SRSF3: variants seen among roughly 807,000 people sequenced by gnomAD.
SRSF3 encodes serine/arginine-rich splicing factor 3.
For missense variants in SRSF3, 58 were observed against 217.1 expected, an observed-to-expected ratio of 0.27 and a Z score of 4.61; for synonymous variants, 87 against 73.6, an observed-to-expected ratio of 1.18 and a Z score of -0.93.
intron 2 of SRSF3, chr6:36,597,247 A>G (rs1778645893): frequency 8.8e-6 from 4 of 455,032 alleles, no homozygotes; most frequent in South Asian, 2.5e-5. Context: ...CTGGGACTAC[A>G]GGCGTGTGCC....
In SRSF3 at chr6:36,596,822, T is replaced by C. The variant is rs139593819; in HGVS notation, c.60T>C (p.Asn20=). ...TTTATGTAGGCAATCTTGGAAACAA[T>C]GGCAACAAGACGGAATTGGAACGGG... is the stretch of plus-strand genomic sequence containing the variant. The part of the protein sequence containing the change: ...CKVYVGNLGN[N]GNKTELERAF... The change falls in exon 2 of 6, where the codon AAT becomes AAC. Residue 20 remains asparagine (N), a synonymous_variant. Transcript: ENST00000373715. 4.0e-4 allele frequency: 647 copies of C among 1,614,082 alleles called. 2 individuals carry two copies. The African/African-American group carries it at 6.7e-3, about 17-fold the overall frequency.
rs1582516372 is a variant in SRSF3 at position 36,603,383 on chromosome 6, T to A, written c.*1394T>A. On this transcript the variant is annotated 3_prime_UTR_variant, in exon 6 of 6. Coordinates refer to ENST00000373715, the MANE Select transcript of SRSF3 (RefSeq NM_003017.5). ...CCTTCCTCTTAGAAAATGGCAGGTG[T>A]TGTAATTTCAAATTTTTGTGCAATT... 1 of 224,222 alleles carries A rather than the reference T, an allele frequency of 4.5e-6. No individual in the cohort carries two copies. 13.9% of individuals were successfully genotyped at this position (224,222 alleles called of 1,614,324 possible). A position where few individuals can be genotyped will look rare whatever the true frequency, so the allele number is the denominator to read the frequency against.
At position 36,601,946 on chromosome 6, in the gene SRSF3, T is replaced by TG. The variant is rs1778724881; in HGVS notation, c.468-16_468-15insG. On this transcript the variant is annotated splice_polypyrimidine_tract_variant and intron_variant, in intron 5 of 5. Coordinates refer to ENST00000373715, the MANE Select transcript of SRSF3 (RefSeq NM_003017.5). ...AGATGTAATGTTTTGTTTTCTTTTT[T>TG]TTTTTTTTTTTTTAGTCGATCTAGG... The TG allele has an allele frequency of 6.4e-7, 1 of 1,555,272 alleles. No homozygotes were observed. The highest frequency in any genetic ancestry group is 1.4e-5 in the African/African-American group (1 of 71,878).
At chr6:36,595,232 T>C (rs571483825) in intron 1 of SRSF3, among the ~76,000 whole-genome samples, 1 of 152,116 alleles carries the variant, frequency 6.6e-6, no homozygotes, top group Non-Finnish European at 1.5e-5. Flanking sequence ...GTCTACAAGT[T>C]TATCAGATTC....
intron 2 of SRSF3, among the ~76,000 whole-genome samples, chr6:36,597,483 G>GT (rs1332096306): frequency 2.0e-5 from 3 of 152,072 alleles, no homozygotes; most frequent in African/African-American, 7.2e-5. Context: ...ACATGGGTTG[G>GT]TTGTACCTTT....
intron 1 of SRSF3, among the ~76,000 whole-genome samples, 187 bp from the exon 2 acceptor site, chr6:36,596,574 C>CGGGGGGGGG (rs34650091): frequency 4.4e-5 from 4 of 91,952 alleles, no homozygotes; most frequent in East Asian, 4.4e-4. Flanking sequence ...GGCGGGGTGG[C>CGGGGGGGGG]GGGGGGGGGG....
chr6:36,604,574 G>A lies in SRSF3; in HGVS notation c.*2585G>A, dbSNP rs1333508778. On this transcript the variant is annotated 3_prime_UTR_variant, in exon 6 of 6. Coordinates refer to ENST00000373715, the MANE Select transcript of SRSF3 (RefSeq NM_003017.5). ...CACAGGTACCCTGTGTCTACCATTT[G>A]AGTATCTTAGAGATCCTTACAAACG... is the stretch of plus-strand genomic sequence containing the variant. 1 of 173,736 alleles carries A rather than the reference G, an allele frequency of 5.8e-6. No homozygotes were observed. Among genetic ancestry groups the A allele is most frequent in the African/African-American group, 2.4e-5 (1 of 42,110 alleles). 10.8% of individuals were successfully genotyped at this position (173,736 alleles called of 1,614,324 possible). A position where few individuals can be genotyped will look rare whatever the true frequency, so the allele number is the denominator to read the frequency against.
Position 36,596,930 on chromosome 6 carries a change from C to T in SRSF3, c.168C>T (p.Pro56=). 1 of 1,613,886 alleles carries T rather than the reference C, an allele frequency of 6.2e-7. No individual in the cohort carries two copies. Among genetic ancestry groups the T allele is most frequent in the Non-Finnish European group, 8.5e-7 (1 of 1,179,984 alleles). The change falls in exon 2 of 6, where the codon CCC becomes CCT. Residue 56 remains proline, a synonymous_variant. Transcript: ENST00000373715. The part of the protein sequence containing the change: ...PGFAFVEFED[P]RDAADAVREL... The stretch of plus-strand genomic sequence containing the variant: ...TTGCTTTTGTTGAATTTGAAGATCC[C>T]CGAGATGCAGCTGATGCAGTCCGAG...
chr6:36,601,816 A>G, intron 5 of SRSF3, 22 bp downstream of exon 5: 1 of 1,605,778 alleles, frequency 6.2e-7, no homozygotes, highest in Non-Finnish European at 8.5e-7. Flanking sequence ...GATAACTTGT[A>G]TTTAAGACTT....
Position 36,602,303 on chromosome 6 carries a change from TG to T in SRSF3, c.*315del. ...CCTCTAAACCTGCCCAGCGGAAGTG[TG>T]TTTTTTTTTAAATTTAAATACAGAA... is the stretch of plus-strand genomic sequence containing the variant. On this transcript the variant is annotated 3_prime_UTR_variant, in exon 6 of 6. Transcript: ENST00000373715. The T allele has an allele frequency of 5.9e-6, 2 of 341,566 alleles. No homozygotes were observed. Among genetic ancestry groups the T allele is most frequent in the Non-Finnish European group, 1.0e-5 (2 of 194,842 alleles). 21.2% of individuals were successfully genotyped at this position (341,566 alleles called of 1,614,324 possible). A position where few individuals can be genotyped will look rare whatever the true frequency, so the allele number is the denominator to read the frequency against.
chr6:36,596,192 G>C (rs1338081699), intron 1 of SRSF3, among the ~76,000 whole-genome samples: 1 of 152,124 alleles, frequency 6.6e-6, no homozygotes, highest in Non-Finnish European at 1.5e-5. Flanking sequence ...AAAAGTTCTG[G>C]GATTGCAGGT....
chr6:36,597,105 T>TC (rs1163950617), intron 2 of SRSF3, 137 bp downstream of exon 2: 1 of 733,012 alleles, frequency 1.4e-6, no homozygotes, highest in African/African-American at 1.9e-5. Flanking sequence ...ATCTTTTTTT[T>TC]TTTTTTTTTT....
chr6:36,599,189 T>C (rs1389122208), intron 3 of SRSF3, among the ~76,000 whole-genome samples: 1 of 152,232 alleles, frequency 6.6e-6, no homozygotes, highest in Non-Finnish European at 1.5e-5. Context: ...TGGTAGTCAG[T>C]AACTTCTATC....
intron 4 of SRSF3, 86 bp from the exon 5 acceptor site, chr6:36,601,622 G>C: frequency 7.9e-7 from 1 of 1,269,118 alleles, no homozygotes; most frequent in East Asian, 2.3e-5. Context: ...GGAATTATTG[G>C]CATGAGTCAC....
rs1554180243 is a variant in SRSF3, at chr6:36,596,574, C to CGGGGGGCGG, written c.-2-181_-2-180insCGGGGGGGG. Among the ~76,000 whole-genome samples, 4 of 91,962 alleles carry CGGGGGGCGG rather than the reference C, an allele frequency of 4.3e-5. 1 individual carries two copies. Among genetic ancestry groups the CGGGGGGCGG allele is most frequent in the South Asian group, 7.7e-4 (2 of 2,584 alleles). The allele number at this position is 91,962 out of a possible 152,430, so 60.3% of individuals were successfully genotyped here. ...GAGTAAAGATAATGGGGCGGGGTGG[C>CGGGGGGCGG]GGGGGGGGGGAAATGGGTGCTTAGC... On this transcript the variant is annotated intron_variant, in intron 1 of 5. Transcript: ENST00000373715.
rs139369515 is a variant in SRSF3, at chr6:36,595,622, C to T, written c.-2-1139C>T. On this transcript the variant is annotated intron_variant, in intron 1 of 5. Coordinates refer to ENST00000373715, the MANE Select transcript of SRSF3 (RefSeq NM_003017.5). ...TTTATGTCTGGCTTCTTTAACTTAGCGTAATGTTTTCAAGATTTTCCAACG... is the reference window on the plus strand; with the variant it reads ...TTTATGTCTGGCTTCTTTAACTTAGTGTAATGTTTTCAAGATTTTCCAACG... Among the ~76,000 whole-genome samples the T allele has an allele frequency of 1.9e-3, 293 of 152,238 alleles. 2 individuals are homozygous for T. The highest frequency in any genetic ancestry group is 6.8e-3 in the Middle Eastern group (2 of 294).
Position 36,603,347 on chromosome 6 carries a change from G to A in SRSF3, c.*1358G>A, listed in dbSNP as rs1778751515. 1 of 224,918 alleles carries A rather than the reference G, an allele frequency of 4.4e-6. No homozygotes were observed. The highest frequency in any genetic ancestry group is 8.9e-6 in the Non-Finnish European group (1 of 112,588). The allele number at this position is 224,918 out of a possible 1,614,324, so 13.9% of individuals were successfully genotyped here. ...GTAACAGTGCAGAATTGAATATGGA[G>A]GCATGCATAACCTTCCTCTTAGAAA... On this transcript the variant is annotated 3_prime_UTR_variant, in exon 6 of 6. Coordinates refer to ENST00000373715, the MANE Select transcript of SRSF3 (RefSeq NM_003017.5).
At chr6:36,597,218 G>T in intron 2 of SRSF3, 1 of 518,154 alleles carries the variant, frequency 1.9e-6, no homozygotes, top group South Asian at 2.2e-5. Context: ...TGATTCTCCT[G>T]CCTCAGCCTT....
rs1190415955 is a variant in SRSF3, at chr6:36,605,145, C to T, written c.*3156C>T. 1 of 151,950 alleles carries T rather than the reference C, an allele frequency of 6.6e-6. No homozygotes were observed. Among genetic ancestry groups the T allele is most frequent in the Non-Finnish European group, 1.5e-5 (1 of 68,022 alleles). The allele number at this position is 151,950 out of a possible 1,614,324, so 9.4% of individuals were successfully genotyped here. ...TTTTATTAGGGGGATTCATCGGGTA[C>T]CTGAAGATAATTCAGCTGTAGACCC... On this transcript the variant is annotated 3_prime_UTR_variant, in exon 6 of 6. Transcript: ENST00000373715.
Sources: allele counts gnomAD v4.1 joint callset (sites outside exome capture counted in the v4.1 genomes callset), GRCh38; gene constraint gnomAD v4.1.1; transcripts MANE v1.5; gene names NCBI Gene and HGNC (gene_info 2026-07-23, HGNC 2026-07-21).